Variants in TMEM131 observed in about 807,000 individuals in gnomAD.
TMEM131 encodes the protein 2610524E03Rik.
A neutral mutation model predicts 211.6 loss-of-function variants in TMEM131; 66 were observed. That is an observed-to-expected ratio of 0.31 (90% CI 0.26 to 0.38). The LOEUF is 0.38. Ranked by LOEUF, TMEM131 falls within the 10% of genes least tolerant of loss-of-function variation. The pLI is 1.00. For synonymous variants in TMEM131, 844 were observed against 841.3 expected (o/e 1.00, Z -0.06); for missense variants, 2,036 against 2,299.3 (o/e 0.89, Z 2.34).
At chr2:97,762,440 C>G in intron 35 of TMEM131, 1 of 389,480 alleles carries the variant, frequency 2.6e-6, no homozygotes, top group Non-Finnish European at 4.6e-6. Context: ...GTGTGGCGGA[C>G]AGTCAATGTC....
chr2:97,962,978 G>C (rs138957220), intron 1 of TMEM131, among the ~76,000 whole-genome samples: 1 of 152,174 alleles, frequency 6.6e-6, no homozygotes, highest in Non-Finnish European at 1.5e-5. Context: ...ACAAAAAGCA[G>C]AGCAATAGTT....
chr2:97,906,520 ATAT>A (rs1405853143), intron 3 of TMEM131, among the ~76,000 whole-genome samples: 1 of 152,216 alleles, frequency 6.6e-6, no homozygotes, highest in Non-Finnish European at 1.5e-5. Flanking sequence ...AGCAGAAGTA[ATAT>A]TATGACTTCC....
At chr2:97,765,276 A>G (rs1264157184) in intron 35 of TMEM131, 2 of 152,262 alleles carry the variant, frequency 1.3e-5, no homozygotes, top group East Asian at 3.8e-4. Context: ...CATTCCGGCG[A>G]GAGCGTGGAC....
chr2:97,827,990 A>G (rs1682480048), intron 11 of TMEM131, among the ~76,000 whole-genome samples: 1 of 152,214 alleles, frequency 6.6e-6, no homozygotes, highest in Admixed American at 6.5e-5. Context: ...CTCTTTGATC[A>G]TGGCTCTCTC....
At chr2:97,812,594 G>C (rs369909387) in intron 16 of TMEM131, 39 bp from the exon 17 acceptor site, 1 of 1,587,836 alleles carries the variant, frequency 6.3e-7, no homozygotes. Flanking sequence ...CACAACACAA[G>C]CATAAAATCC....
intron 1 of TMEM131, among the ~76,000 whole-genome samples, chr2:97,962,582 G>C (rs913919803): frequency 5.9e-5 from 9 of 152,144 alleles, no homozygotes; most frequent in African/African-American, 1.7e-4. Context: ...AAGACATACT[G>C]TAAAATCAAC....
intron 1 of TMEM131, among the ~76,000 whole-genome samples, chr2:97,955,155 T>C (rs921401460): frequency 2.0e-5 from 3 of 151,948 alleles, no homozygotes; most frequent in African/African-American, 4.8e-5. Flanking sequence ...TTATCCGAAA[T>C]ATGCAAGACT....
chr2:97,957,950 C>T (rs1426131996), intron 1 of TMEM131, among the ~76,000 whole-genome samples: 1 of 152,156 alleles, frequency 6.6e-6, no homozygotes, highest in African/African-American at 2.4e-5. Flanking sequence ...ACGAATAAAT[C>T]AAGTACTGGG....
intron 4 of TMEM131, among the ~76,000 whole-genome samples, chr2:97,875,504 T>C (rs1559416882): frequency 6.6e-6 from 1 of 152,194 alleles, no homozygotes; most frequent in Non-Finnish European, 1.5e-5. Context: ...ATAACAGAAA[T>C]CATAACAAAC....
At chr2:97,853,645 G>A (rs1673720683) in intron 5 of TMEM131, among the ~76,000 whole-genome samples, 1 of 151,688 alleles carries the variant, frequency 6.6e-6, no homozygotes, top group Non-Finnish European at 1.5e-5. Flanking sequence ...TGATTCATGG[G>A]AGAAGGTTAA....
chr2:97,994,625 T>G (rs541846138), intron 1 of TMEM131, among the ~76,000 whole-genome samples: 1 of 152,296 alleles, frequency 6.6e-6, no homozygotes, highest in Non-Finnish European at 1.5e-5. Flanking sequence ...ATTCACTTAG[T>G]CAATTCTTCA....
chr2:97,903,750 C>G (rs1426124508), intron 3 of TMEM131, among the ~76,000 whole-genome samples: 1 of 152,170 alleles, frequency 6.6e-6, no homozygotes, highest in Admixed American at 6.5e-5. Flanking sequence ...ATGGCGCAAT[C>G]TCGGCTCAAT....
At chr2:97,759,355 CT>C (rs1354948696) in intron 39 of TMEM131, 1 of 530,478 alleles carries the variant, frequency 1.9e-6, no homozygotes, top group East Asian at 3.1e-5. Flanking sequence ...AAGAGGACCC[CT>C]GGCACACTCA....
At chr2:97,830,681 T>TA (rs1682635435) in intron 11 of TMEM131, among the ~76,000 whole-genome samples, 1 of 152,226 alleles carries the variant, frequency 6.6e-6, no homozygotes, top group Non-Finnish European at 1.5e-5. Context: ...CAGGCAAACT[T>TA]ACTCCATCAT....
intron 1 of TMEM131, among the ~76,000 whole-genome samples, chr2:97,993,574 T>C (rs1263367977): frequency 6.6e-6 from 1 of 152,190 alleles, no homozygotes; most frequent in East Asian, 1.9e-4. Flanking sequence ...ATCATCTCCA[T>C]TAATATCTTG....
chr2:97,914,828 C>G (rs1676441114), intron 2 of TMEM131, among the ~76,000 whole-genome samples: 1 of 152,204 alleles, frequency 6.6e-6, no homozygotes, highest in African/African-American at 2.4e-5. Context: ...AACAGAGCTG[C>G]TATGAACATT....
intron 1 of TMEM131, among the ~76,000 whole-genome samples, chr2:97,959,603 AGCAGGC>A (rs1678728440): frequency 6.6e-6 from 1 of 152,092 alleles, no homozygotes; most frequent in Admixed American, 6.6e-5. Context: ...ACCATTTGAA[AGCAGGC>A]TACAGACACC....
At chr2:97,837,552 A>C (rs1412371379) in intron 7 of TMEM131, among the ~76,000 whole-genome samples, 2 of 152,226 alleles carry the variant, frequency 1.3e-5, no homozygotes, top group African/African-American at 4.8e-5. Context: ...CATTTATAAC[A>C]AGAGCCAGCA....
At chr2:97,892,501 C>T (rs555407369) in intron 3 of TMEM131, among the ~76,000 whole-genome samples, 2 of 152,252 alleles carry the variant, frequency 1.3e-5, no homozygotes, top group East Asian at 1.9e-4. Context: ...GCTGGGACTA[C>T]AGACACACAC....
Sources: allele counts gnomAD v4.1 joint callset (sites outside exome capture counted in the v4.1 genomes callset), GRCh38; gene constraint gnomAD v4.1.1; transcripts MANE v1.5; gene names NCBI Gene and HGNC (gene_info 2026-07-23, HGNC 2026-07-21).